Variants in FBXO47 observed in about 807,000 individuals in gnomAD.
FBXO47 encodes F-box protein 47, also known as F-box only protein 47.
FBXO47 carries 34 observed loss-of-function variants against 53.9 expected under a neutral mutation model. The observed-to-expected ratio is 0.63, with a 90% CI of 0.48 to 0.84. The LOEUF is 0.84. FBXO47 is among the 40% of genes least tolerant of loss of function. The pLI, the probability that FBXO47 is intolerant of heterozygous loss-of-function variation, is 0.00. For missense variants in FBXO47, 485 were observed against 541.3 expected (o/e 0.90, Z 1.03); for synonymous variants, 165 against 181.6 (o/e 0.91, Z 0.73).
intron 5 of FBXO47, 51 bp from the exon 6 acceptor site, chr17:38,951,740 C>A: frequency 7.2e-7 from 1 of 1,393,684 alleles, no homozygotes. Context: ...CAAGTCAAAA[C>A]ATAAGTCACA....
intron 3 of FBXO47, among the ~76,000 whole-genome samples, chr17:38,960,632 T>C (rs111994966): frequency 0.018 from 2,646 of 144,588 alleles, 29 homozygotes; most frequent in Non-Finnish European, 0.027. Context: ...TTCTTTCTCT[T>C]TTTTTTTTTT....
Position 38,942,879 on chromosome 17 carries a change from G to C in FBXO47, c.982C>G (p.Leu328Val). 3 of 1,613,364 alleles carry C rather than the reference G, an allele frequency of 1.9e-6. No individual in the cohort carries two copies. The South Asian group carries it at 3.3e-5, about 18-fold the overall frequency. Residue 328 changes from leucine to valine, a missense_variant, in exon 9 of 11, where the codon CTA (leucine) becomes GTA (valine). By Grantham distance (32) the Leu-to-Val change is conservative. Coordinates refer to ENST00000378079, the MANE Select transcript of FBXO47 (RefSeq NM_001008777.3). Reference sequence around the variant, plus strand: ...CAGATGTTGTTTCCACTTAGCATTAGGAGACGTGCATTATTCTCTAGAAGC... The same window carrying C: ...CAGATGTTGTTTCCACTTAGCATTACGAGACGTGCATTATTCTCTAGAAGC... Reference protein sequence around the residue: ...EWLLENNARLLMLSGNNICFS... With the variant: ...EWLLENNARLVMLSGNNICFS...
At chr17:38,953,318 C>CA (rs977619185) in intron 5 of FBXO47, among the ~76,000 whole-genome samples, 4 of 150,240 alleles carry the variant, frequency 2.7e-5, no homozygotes, top group African/African-American at 9.8e-5. Flanking sequence ...GACTCCGTCT[C>CA]AAAAAAAGAA....
At chr17:38,955,102 T>C (rs1905481594) in intron 4 of FBXO47, among the ~76,000 whole-genome samples, 169 bp from the exon 5 acceptor site, 2 of 152,146 alleles carry the variant, frequency 1.3e-5, no homozygotes, top group African/African-American at 4.8e-5. Context: ...AGTATAAAAG[T>C]CTCGGCTGCG....
chr17:38,941,086 G>A (rs1374649374), intron 9 of FBXO47, among the ~76,000 whole-genome samples: 1 of 151,756 alleles, frequency 6.6e-6, no homozygotes, highest in Admixed American at 6.6e-5. Context: ...CCAGACTCAA[G>A]TGATCTTCCC....
intron 7 of FBXO47, 128 bp downstream of exon 7, chr17:38,944,832 C>CTGTG: frequency 2.3e-6 from 1 of 442,818 alleles, no homozygotes; most frequent in Non-Finnish European, 3.5e-6. Flanking sequence ...GATCGCACCA[C>CTGTG]TGTGTGCGTG....
intron 6 of FBXO47, among the ~76,000 whole-genome samples, chr17:38,946,620 A>AAATATATATG (rs1904880096): frequency 1.2e-5 from 1 of 80,212 alleles, no homozygotes; most frequent in Non-Finnish European, 2.0e-5. Context: ...ATAACTATAT[A>AAATATATATG]AATATATATG....
intron 9 of FBXO47, 36 bp downstream of exon 9, chr17:38,942,741 TA>T (rs781031438): frequency 1.3e-6 from 2 of 1,584,310 alleles, no homozygotes; most frequent in Admixed American, 3.7e-5. Flanking sequence ...ATTGTAGTGT[TA>T]AAAAACTTGC....
intron 1 of FBXO47, among the ~76,000 whole-genome samples, chr17:38,964,982 T>G (rs975523108): frequency 2.0e-5 from 3 of 151,830 alleles, no homozygotes; most frequent in African/African-American, 7.3e-5. Context: ...CACTAGTAGC[T>G]GGGATTACAG....
At chr17:38,937,445 C>T (rs1322854990) in intron 10 of FBXO47, among the ~76,000 whole-genome samples, 155 bp from the exon 11 acceptor site, 1 of 152,098 alleles carries the variant, frequency 6.6e-6, no homozygotes, top group Non-Finnish European at 1.5e-5. Context: ...CAACCTCTGC[C>T]TCCTGGGTTC....
intron 1 of FBXO47, among the ~76,000 whole-genome samples, chr17:38,964,019 C>T (rs1905964919): frequency 6.6e-6 from 1 of 151,650 alleles, no homozygotes; most frequent in South Asian, 2.1e-4. Context: ...TGTTGCCCAA[C>T]CTGGTCTTGA....
intron 10 of FBXO47, among the ~76,000 whole-genome samples, chr17:38,937,823 A>G (rs1391886569): frequency 1.3e-5 from 2 of 151,858 alleles, no homozygotes; most frequent in Non-Finnish European, 2.9e-5. Context: ...GCCTGCCACC[A>G]CGCCCAGCTA....
chr17:38,956,059 C>T (rs1327792956), intron 4 of FBXO47, among the ~76,000 whole-genome samples: 2 of 150,426 alleles, frequency 1.3e-5, no homozygotes, highest in Admixed American at 6.6e-5. Flanking sequence ...TGGCGTGAAC[C>T]TGGGAGGTGG....
intron 6 of FBXO47, among the ~76,000 whole-genome samples, chr17:38,946,157 A>AAT (rs1904779835): frequency 8.9e-6 from 1 of 112,576 alleles, no homozygotes; most frequent in Non-Finnish European, 1.7e-5. Context: ...AATACATAAA[A>AAT]ATATATAAAT....
intron 1 of FBXO47, among the ~76,000 whole-genome samples, chr17:38,965,146 G>A (rs1015167794): frequency 6.6e-6 from 1 of 152,146 alleles, no homozygotes; most frequent in Non-Finnish European, 1.5e-5. Flanking sequence ...CACCACGCCC[G>A]CCCATTACAC....
chr17:38,953,815 A>G (rs1449799374), intron 5 of FBXO47, among the ~76,000 whole-genome samples: 11 of 152,108 alleles, frequency 7.2e-5, no homozygotes, highest in African/African-American at 2.2e-4. Context: ...ACATGTCCCA[A>G]AGAAAGAAAG....
intron 9 of FBXO47, among the ~76,000 whole-genome samples, chr17:38,939,293 C>CAAAAAAAAAAAAAA (rs1218321299): frequency 2.9e-5 from 1 of 34,866 alleles, no homozygotes; most frequent in African/African-American, 1.4e-4. Context: ...ACTCCATCTC[C>CAAAAAAAAAAAAAA]AAAAAAAAAA....
chr17:38,959,031 T>C (rs538225840), intron 3 of FBXO47, among the ~76,000 whole-genome samples: 33 of 152,152 alleles, frequency 2.2e-4, no homozygotes, highest in African/African-American at 7.7e-4. Context: ...GCCTCCTGAG[T>C]ATCTGGGACT....
At chr17:38,946,615 T>C (rs1346668205) in intron 6 of FBXO47, among the ~76,000 whole-genome samples, 20 of 73,880 alleles carry the variant, frequency 2.7e-4, no homozygotes, top group Non-Finnish European at 3.2e-4. Context: ...TATATATAAC[T>C]ATATAAATAT....
Sources: gnomAD v4.1 joint callset for allele counts (sites outside exome capture counted in the v4.1 genomes callset) on GRCh38, gnomAD v4.1.1 for gene constraint, MANE v1.5 for transcripts, NCBI Gene and HGNC (gene_info 2026-07-23, HGNC 2026-07-21) for gene names.